CTNNA3: variants seen among roughly 807,000 people sequenced by gnomAD.
CTNNA3 encodes the protein catenin alpha 3.
CTNNA3 carries 76 observed loss-of-function variants against 95.7 expected under a neutral mutation model. That is an observed-to-expected ratio of 0.79 (90% CI 0.66 to 0.96). The LOEUF (loss-of-function observed/expected upper bound fraction) is 0.96, where lower values mean the gene tolerates loss of function less well. Ranked by LOEUF, CTNNA3 falls within the 40% of genes least tolerant of loss-of-function variation. The pLI is 0.00. For synonymous variants in CTNNA3, 431 were observed against 374.4 expected, an observed-to-expected ratio of 1.15 and a Z score of -1.74; for missense variants, 1,191 against 1,089.8, an observed-to-expected ratio of 1.09 and a Z score of -1.31.
At chr10:67,179,504 A>AAC (rs1464427079) in intron 7 of CTNNA3, among the ~76,000 whole-genome samples, 1 of 151,410 alleles carries the variant, frequency 6.6e-6, no homozygotes, top group African/African-American at 2.4e-5. Context: ...CAAAAAAAAA[A>AAC]AAAAAAAAAA....
chr10:66,246,102 G>C (rs1051988019), intron 13 of CTNNA3, among the ~76,000 whole-genome samples: 2 of 152,190 alleles, frequency 1.3e-5, no homozygotes, highest in Non-Finnish European at 2.9e-5. Flanking sequence ...CTTCCACCCA[G>C]CAATCTGTCC....
chr10:66,043,984 GTGTGTGTGTGTT>G (rs1201628489), intron 15 of CTNNA3, among the ~76,000 whole-genome samples: 16 of 118,868 alleles, frequency 1.3e-4, no homozygotes, highest in South Asian at 2.9e-4. Context: ...GTGTGTGTGT[GTGTGTGTGTGTT>G]TGTGTGTGTC....
At chr10:67,376,056 A>G (rs575196937) in intron 5 of CTNNA3, among the ~76,000 whole-genome samples, 1 of 152,310 alleles carries the variant, frequency 6.6e-6, no homozygotes, top group East Asian at 1.9e-4. Flanking sequence ...CCAGCTGCCA[A>G]ATATACCAGT....
chr10:67,097,507 C>G, intron 7 of CTNNA3: 1 of 1,274,070 alleles, frequency 7.8e-7, no homozygotes, highest in Non-Finnish European at 1.1e-6. Flanking sequence ...TTAGTCAGGT[C>G]AGCACTTCAG....
chr10:67,531,452 C>T (rs2133183774), intron 4 of CTNNA3, among the ~76,000 whole-genome samples: 1 of 152,314 alleles, frequency 6.6e-6, no homozygotes, highest in Non-Finnish European at 1.5e-5. Flanking sequence ...TTTGACTGCC[C>T]TGATGGATTG....
At chr10:67,344,161 C>T (rs965383102) in intron 5 of CTNNA3, among the ~76,000 whole-genome samples, 2 of 151,792 alleles carry the variant, frequency 1.3e-5, no homozygotes, top group South Asian at 4.2e-4. Context: ...GTATGTTGAA[C>T]CATCCTTGCA....
In CTNNA3 at chr10:67,124,949, C is replaced by T. The variant is rs79616171; in HGVS notation, c.1047+55368G>A. Among the ~76,000 whole-genome samples, 288 of 152,194 alleles carry T rather than the reference C, an allele frequency of 1.9e-3. 2 individuals carry two copies. Among genetic ancestry groups the T allele is most frequent in the African/African-American group, 6.7e-3 (278 of 41,522 alleles). On this transcript the variant is annotated intron_variant, in intron 7 of 17. Coordinates refer to ENST00000433211, the MANE Select transcript of CTNNA3 (RefSeq NM_013266.4). ...TTATATCTACAAGGACTGAATTAGGCCTCTCAGACAGGAGGCTTGGGAAAA... is the reference window on the plus strand; with the variant it reads ...TTATATCTACAAGGACTGAATTAGGTCTCTCAGACAGGAGGCTTGGGAAAA...
At chr10:66,094,042 A>G (rs560757899) in intron 14 of CTNNA3, among the ~76,000 whole-genome samples, 12 of 152,244 alleles carry the variant, frequency 7.9e-5, no homozygotes, top group Non-Finnish European at 1.2e-4. Flanking sequence ...CACAATGAAT[A>G]TCAAAATGTG....
At chr10:67,264,738 G>C (rs993455032) in intron 5 of CTNNA3, among the ~76,000 whole-genome samples, 4 of 152,034 alleles carry the variant, frequency 2.6e-5, no homozygotes, top group Admixed American at 6.6e-5. Flanking sequence ...TGAAATGTTA[G>C]AGATAGAGGT....
intron 9 of CTNNA3, among the ~76,000 whole-genome samples, chr10:66,732,284 C>T: frequency 6.6e-6 from 1 of 152,036 alleles, no homozygotes; most frequent in South Asian, 2.1e-4. Context: ...AAAATCTAGA[C>T]CTCTCTCTCT....
chr10:67,438,900 G>A (rs1423594294), intron 5 of CTNNA3, among the ~76,000 whole-genome samples: 5 of 152,170 alleles, frequency 3.3e-5, no homozygotes, highest in Non-Finnish European at 5.9e-5. Flanking sequence ...CCATCCCAGT[G>A]GTCAGAACTT....
At chr10:67,013,281 C>G (rs543662393) in intron 7 of CTNNA3, among the ~76,000 whole-genome samples, 15 of 151,560 alleles carry the variant, frequency 9.9e-5, no homozygotes, top group Non-Finnish European at 1.8e-4. Context: ...CTCTACCATT[C>G]AAAATTAAAG....
intron 13 of CTNNA3, among the ~76,000 whole-genome samples, chr10:66,264,857 A>G (rs2091107108): frequency 6.6e-6 from 1 of 151,990 alleles, no homozygotes; most frequent in African/African-American, 2.4e-5. Context: ...CCTCTGTCCC[A>G]CAGGGACAGG....
chr10:66,056,220 G>T (rs980946700), intron 15 of CTNNA3, among the ~76,000 whole-genome samples: 1 of 151,928 alleles, frequency 6.6e-6, no homozygotes, highest in Non-Finnish European at 1.5e-5. Context: ...ATACATACTT[G>T]TTGAGGGTTT....
intron 10 of CTNNA3, among the ~76,000 whole-genome samples, chr10:66,614,839 G>A (rs1242236577): frequency 1.3e-5 from 2 of 151,800 alleles, no homozygotes; most frequent in African/African-American, 2.4e-5. Context: ...TTGTGATTTT[G>A]GAAAATCTAA....
chr10:65,938,796 A>T (rs113518344), intron 17 of CTNNA3, among the ~76,000 whole-genome samples: 1 of 152,102 alleles, frequency 6.6e-6, no homozygotes, highest in Non-Finnish European at 1.5e-5. Context: ...TCGATCCCTT[A>T]TAATTGTGCT....
At chr10:66,940,128 G>C (rs1351211909) in intron 7 of CTNNA3, among the ~76,000 whole-genome samples, 1 of 151,978 alleles carries the variant, frequency 6.6e-6, no homozygotes, top group Non-Finnish European at 1.5e-5. Flanking sequence ...AGAGAATCTT[G>C]GGCTCCAGAG....
At chr10:66,757,852 T>C (rs1839429008) in intron 9 of CTNNA3, among the ~76,000 whole-genome samples, 1 of 152,190 alleles carries the variant, frequency 6.6e-6, no homozygotes. Context: ...ATTAGCTGTG[T>C]GATCTTAAGT....
intron 10 of CTNNA3, among the ~76,000 whole-genome samples, chr10:66,556,406 G>A (rs1842390904): frequency 6.6e-6 from 1 of 151,944 alleles, no homozygotes; most frequent in East Asian, 1.9e-4. Context: ...AGAGATTTCT[G>A]TACCCCTATG....
Sources: allele counts gnomAD v4.1 joint callset (sites outside exome capture counted in the v4.1 genomes callset), GRCh38; gene constraint gnomAD v4.1.1; transcripts MANE v1.5; gene names NCBI Gene and HGNC (gene_info 2026-07-23, HGNC 2026-07-21).